FAAH2: variants seen among roughly 807,000 people sequenced by gnomAD.
FAAH2 encodes fatty-acid amide hydrolase 2.
Under a neutral mutation model 36.9 loss-of-function variants are expected in FAAH2, and 60 were observed. The observed-to-expected ratio is 1.63, with a 90% CI of 1.32 to 2.02. The LOEUF is 2.02. Ranked by LOEUF, FAAH2 falls within the 30% of genes most tolerant of loss-of-function variation. The probability of loss-of-function intolerance (pLI) is 0.00; values close to 1 mark genes in which losing one functional copy is unlikely to be tolerated. For synonymous variants in FAAH2, 214 were observed against 143.8 expected, an observed-to-expected ratio of 1.49 and a Z score of -3.49; for missense variants, 689 against 397.5, an observed-to-expected ratio of 1.73 and a Z score of -6.23.
the FAAH2 span, among the ~76,000 whole-genome samples, chrX:57,170,168 G>A: frequency 8.9e-6 from 1 of 111,839 alleles, no homozygotes; most frequent in African/African-American, 3.3e-5. Flanking sequence ...ACTGGGTTTT[G>A]CCATGTTGCC....
At chrX:57,428,641 A>G (rs913593077) in intron 7 of FAAH2, among the ~76,000 whole-genome samples, 2 of 112,129 alleles carry the variant, frequency 1.8e-5, no homozygotes, top group African/African-American at 6.5e-5. Flanking sequence ...AGGCTGTGAA[A>G]ACAACATCCT....
chrX:57,127,179 C>T, the FAAH2 span: 27 of 111,265 alleles, frequency 2.4e-4, no homozygotes, highest in East Asian at 6.5e-3. Flanking sequence ...CTAGACAATA[C>T]CGTTATACTT....
intron 8 of FAAH2, among the ~76,000 whole-genome samples, chrX:57,440,228 C>A (rs1028657768): frequency 9.0e-6 from 1 of 111,518 alleles, no homozygotes; most frequent in Non-Finnish European, 1.9e-5. Context: ...TCTTCCTATC[C>A]ATGAGCATGG....
the FAAH2 span, chrX:57,121,810 A>G: frequency 9.0e-6 from 1 of 111,610 alleles, no homozygotes; most frequent in African/African-American, 3.3e-5. Flanking sequence ...CCTGCTTTCC[A>G]TCTTCTTGGA....
the FAAH2 span, among the ~76,000 whole-genome samples, chrX:57,252,948 C>A: frequency 9.0e-6 from 1 of 111,457 alleles, no homozygotes; most frequent in South Asian, 3.7e-4. Context: ...TTCAGAAGGT[C>A]GGTAATCACA....
chrX:57,219,589 A>G, the FAAH2 span, among the ~76,000 whole-genome samples: 1 of 112,442 alleles, frequency 8.9e-6, no homozygotes, highest in Non-Finnish European at 1.9e-5. Flanking sequence ...GGCATGTGCC[A>G]GGCACCCGAT....
chrX:57,314,644 A>G (rs1383081006), intron 3 of FAAH2, among the ~76,000 whole-genome samples: 1 of 111,640 alleles, frequency 9.0e-6, no homozygotes, highest in Non-Finnish European at 1.9e-5. Context: ...CATTGAAATT[A>G]AGGCATAAAT....
At chrX:57,362,093 A>AT (rs1043926697) in intron 5 of FAAH2, among the ~76,000 whole-genome samples, 16 of 108,520 alleles carry the variant, frequency 1.5e-4, no homozygotes, top group Admixed American at 3.0e-4. Flanking sequence ...CTAGAGTTTG[A>AT]TTTTTTTTTC....
chrX:57,271,952 C>T, the FAAH2 span, among the ~76,000 whole-genome samples: 7 of 109,851 alleles, frequency 6.4e-5, no homozygotes, highest in Non-Finnish European at 1.3e-4. Context: ...ATAACAAACT[C>T]CCCTGAGCTA....
chrX:57,434,292 G>A (rs1244869320), intron 8 of FAAH2, among the ~76,000 whole-genome samples: 4 of 108,719 alleles, frequency 3.7e-5, no homozygotes, highest in African/African-American at 1.3e-4. Context: ...GGCCAGGCTA[G>A]TCTCAAACTC....
chrX:57,173,264 A>T, the FAAH2 span, among the ~76,000 whole-genome samples: 5 of 112,290 alleles, frequency 4.5e-5, no homozygotes, highest in African/African-American at 1.6e-4. Context: ...TCAGCAGTAT[A>T]TTGTAGCTCT....
At chrX:57,319,828 G>A (rs1369409545) in intron 3 of FAAH2, among the ~76,000 whole-genome samples, 4 of 111,600 alleles carry the variant, frequency 3.6e-5, no homozygotes, top group African/African-American at 1.3e-4. Flanking sequence ...CAGAGATATA[G>A]ACCAATGGAA....
the FAAH2 span, among the ~76,000 whole-genome samples, chrX:57,226,085 AT>A: frequency 8.9e-6 from 1 of 112,135 alleles, no homozygotes; most frequent in African/African-American, 3.2e-5. Flanking sequence ...ATTCTTATCC[AT>A]TATGTGGTTC....
chrX:57,130,480 T>A, the FAAH2 span, among the ~76,000 whole-genome samples: 1 of 112,458 alleles, frequency 8.9e-6, no homozygotes, highest in Non-Finnish European at 1.9e-5. Flanking sequence ...TAATTGTTGA[T>A]CCCTGTGGAC....
chrX:57,308,730 A>G lies in FAAH2; in HGVS notation c.276-1863A>G, dbSNP rs561231662. ...AACTCCTGTCTCCTCCATTTCTAGC[A>G]TATTGTCATATACACATGGCAGTAA... On this transcript the variant is annotated intron_variant, in intron 2 of 10. Transcript: ENST00000374900. 1.1e-4 allele frequency among the ~76,000 whole-genome samples: 12 copies of G among 111,556 alleles called. No individual in the cohort carries two copies. In the South Asian group the frequency reaches 4.1e-3, roughly 38 times the overall value.
At chrX:57,184,372 T>C in the FAAH2 span, among the ~76,000 whole-genome samples, 1 of 112,060 alleles carries the variant, frequency 8.9e-6, no homozygotes, top group Non-Finnish European at 1.9e-5. Context: ...GGTTTGAGGC[T>C]CAGGCGAGCA....
chrX:57,241,209 A>T, the FAAH2 span, among the ~76,000 whole-genome samples: 4 of 112,389 alleles, frequency 3.6e-5, no homozygotes, highest in Non-Finnish European at 5.6e-5. Context: ...ATCAAGATGG[A>T]TTAAAGATGT....
intron 3 of FAAH2, among the ~76,000 whole-genome samples, chrX:57,324,525 G>T (rs2053147862): frequency 8.9e-6 from 1 of 111,775 alleles, no homozygotes; most frequent in Admixed American, 9.5e-5. Flanking sequence ...TTGAGCAGTG[G>T]TTTGTAGTTC....
At chrX:57,209,418 C>T in the FAAH2 span, among the ~76,000 whole-genome samples, 1 of 111,558 alleles carries the variant, frequency 9.0e-6, no homozygotes, top group Non-Finnish European at 1.9e-5. Flanking sequence ...GGACTGCATC[C>T]TTCCCTTCGT....
Sources: allele counts gnomAD v4.1 joint callset (sites outside exome capture counted in the v4.1 genomes callset), GRCh38; gene constraint gnomAD v4.1.1; transcripts MANE v1.5; gene names NCBI Gene and HGNC (gene_info 2026-07-23, HGNC 2026-07-21).